The following GPATCH3 variants were observed in gnomAD, a reference collection of about 807,000 sequenced individuals.
GPATCH3 encodes the protein G-patch domain containing 3.
A neutral mutation model predicts 53.2 loss-of-function variants in GPATCH3; 45 were observed. The ratio of observed to expected loss-of-function variants is 0.85; its 90% CI spans 0.67 to 1.08. GPATCH3 has a LOEUF of 1.08. GPATCH3 is among the 50% of genes least tolerant of loss of function. The probability of loss-of-function intolerance (pLI) is 0.00; values close to 1 mark genes in which losing one functional copy is unlikely to be tolerated. For missense variants in GPATCH3, 680 were observed against 687.2 expected, an observed-to-expected ratio of 0.99 and a Z score of 0.12; for synonymous variants, 280 against 270.6, an observed-to-expected ratio of 1.03 and a Z score of -0.34.
Position 26,900,317 on chromosome 1 carries a change from A to C in GPATCH3, c.126T>G (p.Gly42=). The change falls in exon 1 of 7, where the codon GGT becomes GGG. Residue 42 remains glycine (G), a synonymous_variant. Transcript: ENST00000361720. ...GCCGGTAGTGGAAACAGAGGAAGCCACCGCCGCGCTCTTCTCGGAACTGGC... is the reference window on the plus strand; with the variant it reads ...GCCGGTAGTGGAAACAGAGGAAGCCCCCGCCGCGCTCTTCTCGGAACTGGC... The part of the protein sequence containing the change: ...YFSQFREERG[G]GFLCFHYRHR... 1 of 1,614,028 alleles carries C rather than the reference A, an allele frequency of 6.2e-7. No individual in the cohort carries two copies. The highest frequency in any genetic ancestry group is 8.5e-7 in the Non-Finnish European group (1 of 1,180,018).
At chr1:26,899,911 T>A in intron 1 of GPATCH3, 81 bp downstream of exon 1, 1 of 1,314,800 alleles carries the variant, frequency 7.6e-7, no homozygotes, top group Non-Finnish European at 1.1e-6. Context: ...ACCAGAGGCC[T>A]GACTTATCCT....
In GPATCH3 at chr1:26,896,970, C is replaced by T. The variant is rs371014701; in HGVS notation, c.876+331G>A. Among the ~76,000 whole-genome samples the T allele has an allele frequency of 1.1e-3, 169 of 150,426 alleles. 2 individuals carry two copies. In the East Asian group the frequency reaches 0.017, roughly 15 times the overall value. The stretch of plus-strand genomic sequence containing the variant: ...CCAGGAGGCAGAGCTTGCAGTGAGC[C>T]GAGATCGTGCCACTGCACTCCAGCC... On this transcript the variant is annotated intron_variant, in intron 2 of 6. Transcript: ENST00000361720.
chr1:26,899,893 G>C (rs952853858), intron 1 of GPATCH3, 99 bp downstream of exon 1: 11 of 1,044,882 alleles, frequency 1.1e-5, no homozygotes, highest in Non-Finnish European at 1.4e-5. Context: ...TAAACTCATA[G>C]AGTCCTAACC....
At position 26,892,786 on chromosome 1, in the gene GPATCH3, C is replaced by T; in HGVS notation, c.1117G>A (p.Gly373Arg). The change falls in exon 5 of 7, where the codon GGA becomes AGA. Residue 373 changes from glycine to arginine, a missense_variant. Physicochemically the swap from Gly to Arg is moderately radical, Grantham distance 125. Transcript: ENST00000361720. ...ACAGAGTCTCGGGCATCCTTGTCTC[C>T]ACCATCTGAGGAAACAGAGCTCAGT... Reference protein sequence around the residue: ...DMSVYYDRDGGDKDARDSVQM... With the variant: ...DMSVYYDRDGRDKDARDSVQM... 1 of 1,613,874 alleles carries T rather than the reference C, an allele frequency of 6.2e-7. No homozygotes were observed. The highest frequency in any genetic ancestry group is 8.5e-7 in the Non-Finnish European group (1 of 1,179,782).
At chr1:26,896,536 A>T (rs945944128) in intron 2 of GPATCH3, among the ~76,000 whole-genome samples, 7 of 146,778 alleles carry the variant, frequency 4.8e-5, no homozygotes, top group Non-Finnish European at 7.5e-5. Context: ...CTAAAAATAA[A>T]AAAAAAAAAA....
intron 2 of GPATCH3, among the ~76,000 whole-genome samples, chr1:26,895,522 TAAAAAA>T (rs763002456): frequency 1.2e-5 from 1 of 84,464 alleles, no homozygotes; most frequent in African/African-American, 4.6e-5. Flanking sequence ...AGAGCCTGCT[TAAAAAA>T]AAAAAAAAAA....
intron 3 of GPATCH3, 85 bp from the exon 4 acceptor site, chr1:26,893,533 T>C (rs1367754198): frequency 2.4e-6 from 2 of 834,960 alleles, no homozygotes; most frequent in Non-Finnish European, 3.8e-6. Flanking sequence ...TTTTGGCTTT[T>C]TTTTTTTTTT....
Position 26,893,441 on chromosome 1 carries a change from A to G in GPATCH3, c.1059T>C (p.Asp353=), listed in dbSNP as rs1222143026. The G allele has an allele frequency of 6.2e-7, 1 of 1,612,626 alleles. No homozygotes were observed. The highest frequency in any genetic ancestry group is 1.7e-5 in the Admixed American group (1 of 59,992). ...CATCCCAGTCATCGGCTGTCTGTTCATCAAAATCTGTAGGGACAGAAAAGC... is the reference window on the plus strand; with the variant it reads ...CATCCCAGTCATCGGCTGTCTGTTCGTCAAAATCTGTAGGGACAGAAAAGC... ...QFWQEEEGDF[D]EQTADDWDVD... is the part of the protein sequence containing the mutation. Residue 353 remains aspartate (D), a synonymous_variant, in exon 4 of 7, where the codon GAT becomes GAC. Transcript: ENST00000361720.
Position 26,900,460 on chromosome 1 carries a change from T to C in GPATCH3, c.-18A>G. The C allele has an allele frequency of 6.2e-7, 1 of 1,601,294 alleles. No individual in the cohort carries two copies. Among genetic ancestry groups the C allele is most frequent in the Middle Eastern group, 2.0e-4 (1 of 4,936 alleles). On this transcript the variant is annotated 5_prime_UTR_variant, in exon 1 of 7. Coordinates refer to ENST00000361720, the MANE Select transcript of GPATCH3 (RefSeq NM_022078.3). ...ACCGCCATCTTGGATTGTCACATGA[T>C]CAGCTAGAACCAAGTCTCGCGAGAA...
At chr1:26,895,323 A>G (rs1043957957) in intron 2 of GPATCH3, among the ~76,000 whole-genome samples, 1 of 152,066 alleles carries the variant, frequency 6.6e-6, no homozygotes, top group Non-Finnish European at 1.5e-5. Flanking sequence ...TCAGAGGTTC[A>G]AGACCAGTCT....
Position 26,890,899 on chromosome 1 carries a change from T to C in GPATCH3, c.*111A>G. On this transcript the variant is annotated 3_prime_UTR_variant, in exon 7 of 7. Coordinates refer to ENST00000361720, the MANE Select transcript of GPATCH3 (RefSeq NM_022078.3). ...CAGGCAGGCTCGGAACAAAACACCC[T>C]GAACCAGCCACGAAGACTGCTGCTC... 9.4e-7 allele frequency: 1 copy of C among 1,068,578 alleles called. No individual in the cohort carries two copies. Among genetic ancestry groups the C allele is most frequent in the South Asian group, 1.3e-5 (1 of 79,432 alleles). 66.2% of individuals were successfully genotyped at this position (1,068,578 alleles called of 1,614,324 possible). A position where few individuals can be genotyped will look rare whatever the true frequency, so the allele number is the denominator to read the frequency against.
At chr1:26,899,418 G>A (rs911087079) in intron 1 of GPATCH3, among the ~76,000 whole-genome samples, 1 of 152,178 alleles carries the variant, frequency 6.6e-6, no homozygotes, top group Non-Finnish European at 1.5e-5. Context: ...ACATCTCTGT[G>A]GCAATAACCT....
At chr1:26,896,744 C>T (rs2081952592) in intron 2 of GPATCH3, among the ~76,000 whole-genome samples, 2 of 150,034 alleles carry the variant, frequency 1.3e-5, no homozygotes, top group Admixed American at 1.3e-4. Flanking sequence ...CCATCCTGGC[C>T]AGGCGCAGTG....
Position 26,892,752 on chromosome 1 carries a change from C to A in GPATCH3, c.1151G>T (p.Arg384Leu). 1 of 1,614,124 alleles carries A rather than the reference C, an allele frequency of 6.2e-7. No homozygotes were observed. Among genetic ancestry groups the A allele is most frequent in the South Asian group, 1.1e-5 (1 of 91,080 alleles). The change falls in exon 5 of 7, where the codon CGT becomes CTT. Residue 384 changes from arginine to leucine, a missense_variant. Arg to Leu is a moderately radical substitution (Grantham distance 102, BLOSUM62 -2). Transcript: ENST00000361720. ...DKDARDSVQM[R>L]LEQRLRDGQE... ...TCCATCTCGGAGTCTCTGTTCCAGA[C>A]GCATTTGGACAGAGTCTCGGGCATC...
chr1:26,891,012 A>G lies in GPATCH3; in HGVS notation c.1576T>C (p.Ter526ArgextTer11), dbSNP rs1248235418. 1 of 1,613,750 alleles carries G rather than the reference A, an allele frequency of 6.2e-7. No individual in the cohort carries two copies. The highest frequency in any genetic ancestry group is 1.3e-5 in the African/African-American group (1 of 74,930). The change falls in exon 7 of 7, where the codon TGA (stop) becomes CGA (arginine). Residue 526 changes from the stop codon to arginine (R), a stop_lost. Coordinates refer to ENST00000361720, the MANE Select transcript of GPATCH3 (RefSeq NM_022078.3). ...ATGAAAGGAAGCCCCCAACCCGGTC[A>G]GTCAGGCAATGAGGGGCTGTCTGAA... ...CASDSPSLPD[*>R]
At chr1:26,892,878 C>T in intron 4 of GPATCH3, 87 bp from the exon 5 acceptor site, 1 of 1,510,824 alleles carries the variant, frequency 6.6e-7, no homozygotes, top group Non-Finnish European at 9.1e-7. Context: ...GTAAGATTGA[C>T]TTATTCATTT....
At chr1:26,898,051 T>C (rs1395753696) in intron 1 of GPATCH3, among the ~76,000 whole-genome samples, 1 of 152,142 alleles carries the variant, frequency 6.6e-6, no homozygotes, top group Non-Finnish European at 1.5e-5. Flanking sequence ...GCAGGAGGAT[T>C]GCTTGAGCCT....
At chr1:26,897,254 G>T in intron 2 of GPATCH3, 47 bp downstream of exon 2, 1 of 1,566,384 alleles carries the variant, frequency 6.4e-7, no homozygotes, top group South Asian at 1.2e-5. Flanking sequence ...TAATGCCTTC[G>T]GCCTCTTTCA....
chr1:26,897,541 G>A lies in GPATCH3; in HGVS notation c.636C>T (p.Pro212=), dbSNP rs374438369. The A allele has an allele frequency of 6.3e-5, 101 of 1,614,210 alleles. No individual in the cohort carries two copies. The highest frequency in any genetic ancestry group is 4.7e-4 in the East Asian group (21 of 44,888). The change falls in exon 2 of 7, where the codon CCC becomes CCT. Residue 212 remains proline, a synonymous_variant. Coordinates refer to ENST00000361720, the MANE Select transcript of GPATCH3 (RefSeq NM_022078.3). The part of the protein sequence containing the change: ...FLELIRACRL[P]PRIITQLQLQ... ...GCTGCAGCTGGGTGATGATCCGAGGGGGTAGGCGGCAGGCCCGGATCAACT... is the reference window on the plus strand; with the variant it reads ...GCTGCAGCTGGGTGATGATCCGAGGAGGTAGGCGGCAGGCCCGGATCAACT...
Sources: gnomAD v4.1 joint callset for allele counts (sites outside exome capture counted in the v4.1 genomes callset) on GRCh38, gnomAD v4.1.1 for gene constraint, MANE v1.5 for transcripts, NCBI Gene and HGNC (gene_info 2026-07-23, HGNC 2026-07-21) for gene names.